The following FEZ1 variants were observed in gnomAD, a reference collection of about 807,000 sequenced individuals.
FEZ1 encodes the protein fasciculation and elongation protein zeta-1.
A neutral mutation model predicts 49.3 loss-of-function variants in FEZ1; 20 were observed. The observed-to-expected ratio is 0.41, with a 90% CI of 0.29 to 0.59. The LOEUF (loss-of-function observed/expected upper bound fraction) is 0.59, where lower values mean the gene tolerates loss of function less well. Among genes scored for constraint, FEZ1 ranks in the 20% least tolerant of loss-of-function variants. FEZ1 has a pLI of 0.36. For synonymous variants in FEZ1, 170 were observed against 180.9 expected (o/e 0.94, Z 0.48); for missense variants, 413 against 476.0 (o/e 0.87, Z 1.23).
At chr11:125,475,353 C>A (rs1957221928) in intron 3 of FEZ1, among the ~76,000 whole-genome samples, 1 of 151,832 alleles carries the variant, frequency 6.6e-6, no homozygotes, top group African/African-American at 2.4e-5. Context: ...TATTCTATGT[C>A]ACTAGAGAAA....
At chr11:125,473,600 C>CT (rs1957201830) in intron 3 of FEZ1, among the ~76,000 whole-genome samples, 1 of 152,130 alleles carries the variant, frequency 6.6e-6, no homozygotes, top group East Asian at 1.9e-4. Context: ...GGGTGGATCA[C>CT]TTGAGGTCAG....
At chr11:125,464,750 T>C (rs1398837528) in intron 3 of FEZ1, among the ~76,000 whole-genome samples, 1 of 152,024 alleles carries the variant, frequency 6.6e-6, no homozygotes, top group Admixed American at 6.6e-5. Flanking sequence ...TAAGCAAATA[T>C]ATCTCAAATG....
At chr11:125,453,930 A>C in intron 7 of FEZ1, 200 bp downstream of exon 7, 3 of 60,514 alleles carry the variant, frequency 5.0e-5, no homozygotes, top group Non-Finnish European at 9.0e-5. Context: ...CTAGAGCTCA[A>C]AAAAAAAAAA....
At chr11:125,471,243 A>G (rs1039137093) in intron 3 of FEZ1, among the ~76,000 whole-genome samples, 3 of 152,110 alleles carry the variant, frequency 2.0e-5, no homozygotes, top group Non-Finnish European at 4.4e-5. Flanking sequence ...ATACGCTCCA[A>G]CACAAATTAT....
intron 5 of FEZ1, among the ~76,000 whole-genome samples, chr11:125,456,942 G>T (rs1448099329): frequency 6.6e-6 from 1 of 152,046 alleles, no homozygotes; most frequent in Non-Finnish European, 1.5e-5. Flanking sequence ...CCAGCATATT[G>T]GAAGGCTGCG....
At chr11:125,492,115 G>A (rs549813465) in intron 1 of FEZ1, among the ~76,000 whole-genome samples, 1 of 152,264 alleles carries the variant, frequency 6.6e-6, no homozygotes, top group Non-Finnish European at 1.5e-5. Flanking sequence ...AACTAATGAG[G>A]CAGTTTTTAT....
rs1458360763 is a variant in FEZ1, at chr11:125,495,663, G to A, written c.-46+458C>T. 2 of 406,326 alleles carry A rather than the reference G, an allele frequency of 4.9e-6. No homozygotes were observed. Among genetic ancestry groups the A allele is most frequent in the Non-Finnish European group, 1.0e-5 (2 of 198,160 alleles). The allele number at this position is 406,326 out of a possible 1,614,324, so 25.2% of individuals were successfully genotyped here. A position where few individuals can be genotyped will look rare whatever the true frequency, so the allele number is the denominator to read the frequency against. On this transcript the variant is annotated intron_variant, in intron 1 of 9. Coordinates refer to ENST00000278919, the MANE Select transcript of FEZ1 (RefSeq NM_005103.5). This position sits in a 1 kb window ranked among gnomAD's most constrained non-coding sequence, Gnocchi z 4.2. ...GATCTTGGGGCGTTTACGGTGACTGGACCAGATAACGGTCCCGGGACGAGG... is the reference window on the plus strand; with the variant it reads ...GATCTTGGGGCGTTTACGGTGACTGAACCAGATAACGGTCCCGGGACGAGG...
At chr11:125,494,875 G>C (rs1054947308) in intron 1 of FEZ1, among the ~76,000 whole-genome samples, 1 of 151,986 alleles carries the variant, frequency 6.6e-6, no homozygotes, top group Non-Finnish European at 1.5e-5. Flanking sequence ...CGCTAACCCC[G>C]CTGGGCCTCG....
At chr11:125,449,441 A>AAAAAAAGAAG (rs796507357) in intron 8 of FEZ1, among the ~76,000 whole-genome samples, 3 of 128,262 alleles carry the variant, frequency 2.3e-5, no homozygotes, top group African/African-American at 8.3e-5. Flanking sequence ...AAAAAAAAAA[A>AAAAAAAGAAG]AAGAAGAAGA....
At chr11:125,488,313 G>A (rs189009087) in intron 2 of FEZ1, among the ~76,000 whole-genome samples, 13 of 152,228 alleles carry the variant, frequency 8.5e-5, no homozygotes, top group Admixed American at 6.5e-5. Context: ...TCATATGTAC[G>A]TACATACAGG....
chr11:125,460,385 G>A, intron 5 of FEZ1, 113 bp downstream of exon 5: 1 of 854,426 alleles, frequency 1.2e-6, no homozygotes, highest in South Asian at 2.1e-5. Flanking sequence ...GATCTGCAAG[G>A]CTCTGCTCTG....
chr11:125,452,444 A>T (rs1565531302), intron 7 of FEZ1, 35 bp from the exon 8 acceptor site: 1 of 1,381,164 alleles, frequency 7.2e-7, no homozygotes, highest in Non-Finnish European at 1.0e-6. Context: ...GGCTTGAGAC[A>T]GAAGACATGC....
chr11:125,448,704 G>C (rs182093158), intron 8 of FEZ1, 137 bp from the exon 9 acceptor site: 2 of 645,592 alleles, frequency 3.1e-6, no homozygotes, highest in Admixed American at 5.1e-5. Flanking sequence ...TTGAGCAAAA[G>C]TCTAGAAGGC....
chr11:125,493,504 AAG>A (rs752279021), intron 1 of FEZ1, among the ~76,000 whole-genome samples: 3 of 85,798 alleles, frequency 3.5e-5, no homozygotes, highest in African/African-American at 5.2e-5. Context: ...GAAAGAAAGA[AAG>A]AGAGAAAGAA....
At chr11:125,447,833 AAAAG>A (rs59767728) in intron 9 of FEZ1, among the ~76,000 whole-genome samples, 47,509 of 147,764 alleles carry the variant, frequency 0.32, 7,209 homozygotes, top group South Asian at 0.47. Flanking sequence ...AAAAAAAAAA[AAAAG>A]AAAGAAACTC....
At chr11:125,451,231 T>C (rs1956951767) in intron 8 of FEZ1, among the ~76,000 whole-genome samples, 1 of 152,228 alleles carries the variant, frequency 6.6e-6, no homozygotes, top group African/African-American at 2.4e-5. Context: ...TAGTGCATAT[T>C]TATGCAAATA....
chr11:125,493,486 GA>G, intron 1 of FEZ1, among the ~76,000 whole-genome samples: 1 of 68,912 alleles, frequency 1.5e-5, no homozygotes. Flanking sequence ...AAGAAGGAAA[GA>G]AGGAAAGAAA....
intron 9 of FEZ1, among the ~76,000 whole-genome samples, chr11:125,447,625 C>G (rs1283801833): frequency 6.6e-6 from 1 of 152,054 alleles, no homozygotes; most frequent in Non-Finnish European, 1.5e-5. Context: ...AGTTTGAGAC[C>G]ACCCTGGCCA....
intron 3 of FEZ1, among the ~76,000 whole-genome samples, chr11:125,473,568 C>T (rs563306745): frequency 6.6e-6 from 1 of 152,282 alleles, no homozygotes; most frequent in South Asian, 2.1e-4. Context: ...CCTGTAATCC[C>T]AGCACTTTGG....
Sources: allele counts gnomAD v4.1 joint callset (sites outside exome capture counted in the v4.1 genomes callset), GRCh38; gene constraint gnomAD v4.1.1; non-coding constraint Gnocchi (gnomAD v3.1); transcripts MANE v1.5; gene names NCBI Gene and HGNC (gene_info 2026-07-23, HGNC 2026-07-21).